FNIP2: variants seen among roughly 807,000 people sequenced by gnomAD.
FNIP2 encodes the protein folliculin-interacting protein 2.
A neutral mutation model predicts 108.7 loss-of-function variants in FNIP2; 32 were observed. The observed-to-expected ratio is 0.29, with a 90% CI of 0.22 to 0.40. The LOEUF (loss-of-function observed/expected upper bound fraction) is 0.40. FNIP2 is among the 10% of genes least tolerant of loss of function. The pLI is 1.00. For missense variants in FNIP2, 1,202 were observed against 1,381.6 expected, an observed-to-expected ratio of 0.87 and a Z score of 2.06; for synonymous variants, 480 against 496.7, an observed-to-expected ratio of 0.97 and a Z score of 0.45.
chr4:158,872,917 A>G (rs556867950), intron 14 of FNIP2, among the ~76,000 whole-genome samples: 3 of 152,322 alleles, frequency 2.0e-5, no homozygotes, highest in South Asian at 2.1e-4. Flanking sequence ...AAAAACAAGT[A>G]TATGACCAGA....
intron 14 of FNIP2, among the ~76,000 whole-genome samples, chr4:158,875,673 A>G (rs1781242032): frequency 1.3e-5 from 2 of 151,880 alleles, no homozygotes; most frequent in South Asian, 2.1e-4. Flanking sequence ...GTCAGCAACA[A>G]CCTTAAAATC....
At chr4:158,862,940 TGTATTC>T (rs890482450) in intron 12 of FNIP2, among the ~76,000 whole-genome samples, 18 of 152,374 alleles carry the variant, frequency 1.2e-4, no homozygotes, top group African/African-American at 4.3e-4. Context: ...GTTAGATAAA[TGTATTC>T]ATAATTAGGT....
chr4:158,902,662 T>G (rs1729436201), intron 16 of FNIP2, among the ~76,000 whole-genome samples: 1 of 152,178 alleles, frequency 6.6e-6, no homozygotes. Flanking sequence ...GCTGCTGCCT[T>G]TTTTTCAGAG....
intron 1 of FNIP2, among the ~76,000 whole-genome samples, chr4:158,780,595 G>T (rs1776009619): frequency 6.6e-6 from 1 of 152,150 alleles, no homozygotes; most frequent in South Asian, 2.1e-4. Flanking sequence ...GCCTGAAATT[G>T]AGTGGTTTAC....
chr4:158,858,993 A>T, intron 8 of FNIP2, 64 bp from the exon 9 acceptor site: 2 of 1,350,374 alleles, frequency 1.5e-6, no homozygotes, highest in Non-Finnish European at 2.1e-6. Flanking sequence ...CCCAGTCATT[A>T]CAGTTGACCT....
chr4:158,840,500 AT>A, intron 7 of FNIP2, among the ~76,000 whole-genome samples: 1 of 152,038 alleles, frequency 6.6e-6, no homozygotes, highest in Non-Finnish European at 1.5e-5. Flanking sequence ...GGTTCAAGCT[AT>A]TCTCCTGCCT....
At chr4:158,871,854 T>C (rs1780969607) in intron 14 of FNIP2, 12 of 985,438 alleles carry the variant, frequency 1.2e-5, no homozygotes, top group Non-Finnish European at 1.4e-5. Context: ...AATGCCCTCA[T>C]TGTATAATGC....
At chr4:158,844,434 C>T (rs1433443290) in intron 7 of FNIP2, among the ~76,000 whole-genome samples, 1 of 152,126 alleles carries the variant, frequency 6.6e-6, no homozygotes, top group Non-Finnish European at 1.5e-5. Flanking sequence ...ATTTAAGTCT[C>T]AGTTGAGATG....
rs1481995277 is a variant in FNIP2 at position 158,782,642 on chromosome 4, G to A, written c.107+13323G>A. 2.0e-5 allele frequency among the ~76,000 whole-genome samples: 3 copies of A among 151,948 alleles called. No individual in the cohort carries two copies. In the South Asian group the frequency reaches 6.2e-4, roughly 32 times the overall value. ...AATCCTAAAATTCCAGACTTATTGC[G>A]AGGAAAGGAGTTTGTGTTTGAAGGC... On this transcript the variant is annotated intron_variant, in intron 1 of 16. Transcript: ENST00000264433.
intron 12 of FNIP2, among the ~76,000 whole-genome samples, chr4:158,864,031 TTTGTTG>T (rs1182939847): frequency 2.0e-5 from 3 of 152,144 alleles, no homozygotes; most frequent in African/African-American, 7.2e-5. Flanking sequence ...ACCATGTATT[TTTGTTG>T]TTGTTGTTGT....
chr4:158,864,182 C>T (rs1402567023), intron 12 of FNIP2, among the ~76,000 whole-genome samples: 3 of 152,082 alleles, frequency 2.0e-5, no homozygotes, highest in East Asian at 1.9e-4. Flanking sequence ...TACAGATGTG[C>T]GTCACCATGC....
chr4:158,840,063 G>A (rs1324854437), intron 7 of FNIP2, among the ~76,000 whole-genome samples: 2 of 152,208 alleles, frequency 1.3e-5, no homozygotes, highest in African/African-American at 2.4e-5. Context: ...GGAGAGAAGA[G>A]GGTTGGGTGT....
intron 1 of FNIP2, among the ~76,000 whole-genome samples, chr4:158,801,557 C>T (rs925852233): frequency 5.3e-5 from 8 of 152,208 alleles, no homozygotes; most frequent in Non-Finnish European, 8.8e-5. Context: ...CACTGACAAA[C>T]TGTATACCTT....
intron 1 of FNIP2, among the ~76,000 whole-genome samples, chr4:158,821,649 A>G (rs1475967481): frequency 6.6e-6 from 1 of 152,238 alleles, no homozygotes; most frequent in Non-Finnish European, 1.5e-5. Flanking sequence ...TAATCTTCAC[A>G]ACAGGACCTA....
In FNIP2 at chr4:158,861,337, T is replaced by C. The variant is rs1780282178; in HGVS notation, c.1149-5T>C. ...TTTGTGTTTCCCTCTCTTTCTGTTC[T>C]ATAGAGGAACTATCTGGAACTTATA... On this transcript the variant is annotated splice_region_variant and splice_polypyrimidine_tract_variant and intron_variant, in intron 10 of 16. Transcript: ENST00000264433. The C allele has an allele frequency of 6.2e-7, 1 of 1,610,984 alleles. No individual in the cohort carries two copies.
rs534262703 is a variant in FNIP2, at chr4:158,882,365, G to A, written c.2950-9081G>A. ...CAGCCCCCGTCCGGCCAGCCGCCCC[G>A]TCCGGGAGGGAGGTGGGGGGCGCCT... On this transcript the variant is annotated intron_variant, in intron 14 of 16. Transcript: ENST00000264433. Among the ~76,000 whole-genome samples the A allele has an allele frequency of 2.7e-3, 404 of 150,508 alleles. 3 individuals carry two copies. The highest frequency in any genetic ancestry group is 8.3e-3 in the African/African-American group (340 of 40,830).
chr4:158,784,749 C>T (rs1450437858), intron 1 of FNIP2, among the ~76,000 whole-genome samples: 2 of 152,210 alleles, frequency 1.3e-5, no homozygotes, highest in East Asian at 3.8e-4. Flanking sequence ...GGCAGTAATG[C>T]TCACTCGCCC....
intron 7 of FNIP2, among the ~76,000 whole-genome samples, chr4:158,850,743 A>C (rs1313134645): frequency 6.7e-6 from 1 of 150,208 alleles, no homozygotes; most frequent in East Asian, 1.9e-4. Flanking sequence ...GTATAGAGTG[A>C]AGGATTACTA....
At chr4:158,808,739 C>G (rs964948756) in intron 1 of FNIP2, 1 of 152,174 alleles carries the variant, frequency 6.6e-6, no homozygotes, top group Admixed American at 6.5e-5. Context: ...TCTCTTTTTG[C>G]TCTTTGATAT....
Sources: gnomAD v4.1 joint callset for allele counts (sites outside exome capture counted in the v4.1 genomes callset) on GRCh38, gnomAD v4.1.1 for gene constraint, MANE v1.5 for transcripts, NCBI Gene and HGNC (gene_info 2026-07-23, HGNC 2026-07-21) for gene names.